Variants in DOCK2 observed in about 807,000 individuals in gnomAD.
DOCK2 encodes the protein dedicator of cytokinesis 2, also known as dedicator of cytokinesis protein 2.
Under a neutral mutation model 248.9 loss-of-function variants are expected in DOCK2, and 87 were observed. The ratio of observed to expected loss-of-function variants is 0.35; its 90% CI spans 0.29 to 0.42. DOCK2 has a LOEUF of 0.42. Ranked by LOEUF, DOCK2 falls within the 10% of genes least tolerant of loss-of-function variation. The probability of loss-of-function intolerance (pLI) is 1.00; values close to 1 mark genes in which losing one functional copy is unlikely to be tolerated. For synonymous variants in DOCK2, 805 were observed against 821.6 expected, an observed-to-expected ratio of 0.98 and a Z score of 0.35; for missense variants, 1,747 against 2,300.2, an observed-to-expected ratio of 0.76 and a Z score of 4.92.
intron 33 of DOCK2, among the ~76,000 whole-genome samples, chr5:170,022,171 A>G (rs1013361065): frequency 6.6e-6 from 1 of 152,114 alleles, no homozygotes; most frequent in African/African-American, 2.4e-5. Flanking sequence ...GCCTGAAGAG[A>G]TCCTAGACAC....
chr5:169,837,953 G>A (rs1229781113), intron 26 of DOCK2, among the ~76,000 whole-genome samples: 1 of 151,854 alleles, frequency 6.6e-6, no homozygotes, highest in Non-Finnish European at 1.5e-5. Context: ...AAGAAAGTGG[G>A]TTTTAATATC....
At chr5:169,670,989 A>C in intron 4 of DOCK2, 89 bp from the exon 5 acceptor site, 4 of 1,050,242 alleles carry the variant, frequency 3.8e-6, no homozygotes, top group Admixed American at 1.9e-5. Context: ...GCCCCTCCGC[A>C]GCTGCAGCTT....
At chr5:169,953,299 C>G (rs1776739649) in intron 27 of DOCK2, among the ~76,000 whole-genome samples, 1 of 149,800 alleles carries the variant, frequency 6.7e-6, no homozygotes, top group South Asian at 2.1e-4. Flanking sequence ...CACCATTATA[C>G]TCCAGCCTGG....
At chr5:169,836,061 T>C (rs1769565714) in intron 26 of DOCK2, among the ~76,000 whole-genome samples, 1 of 152,266 alleles carries the variant, frequency 6.6e-6, no homozygotes, top group African/African-American at 2.4e-5. Flanking sequence ...CAGCTTGTTT[T>C]GTTTTTAAAT....
At chr5:170,046,757 GACACACACACATAC>G (rs1756728171) in intron 39 of DOCK2, among the ~76,000 whole-genome samples, 1 of 147,422 alleles carries the variant, frequency 6.8e-6, no homozygotes, top group Admixed American at 6.9e-5. Flanking sequence ...CTATGCCCAA[GACACACACACATAC>G]ACACACACAC....
chr5:170,017,011 TCACTC>T (rs1755560908), intron 32 of DOCK2, among the ~76,000 whole-genome samples: 1 of 152,210 alleles, frequency 6.6e-6, no homozygotes, highest in South Asian at 2.1e-4. Flanking sequence ...TCTTTATTTT[TCACTC>T]CACTCTGCCT....
At position 169,714,110 on chromosome 5, in the gene DOCK2, C is replaced by A; in HGVS notation, c.1742C>A (p.Thr581Lys). The A allele has an allele frequency of 1.2e-6, 2 of 1,613,838 alleles. No individual in the cohort carries two copies. Among genetic ancestry groups the A allele is most frequent in the Non-Finnish European group, 1.7e-6 (2 of 1,179,852 alleles). ...CACCATGTGGAAAACAAGGGGGCCA[C>A]GCTGAGCAGGAGCTCCAGCAGTGTT... ...YRHHVENKGA[T>K]LSRSSSSVGG... Residue 581 changes from threonine (T) to lysine (K), a missense_variant, in exon 18 of 52, where the codon ACG becomes AAG. Coordinates refer to ENST00000520908, the MANE Select transcript of DOCK2 (RefSeq NM_004946.3).
At chr5:170,078,859 C>T (rs940890404) in intron 48 of DOCK2, 116 bp from the exon 49 acceptor site, 5 of 1,179,538 alleles carry the variant, frequency 4.2e-6, no homozygotes, top group Non-Finnish European at 6.1e-6. Flanking sequence ...CTACTCCAGA[C>T]CCTGTAGTGA....
intron 21 of DOCK2, among the ~76,000 whole-genome samples, chr5:169,718,422 A>T (rs1033492973): frequency 1.3e-5 from 2 of 151,658 alleles, no homozygotes; most frequent in Admixed American, 1.3e-4. Flanking sequence ...TAGTCAAAAG[A>T]TTTTTTTTTC....
At chr5:169,851,693 A>C (rs1255280381) in intron 27 of DOCK2, among the ~76,000 whole-genome samples, 2 of 152,220 alleles carry the variant, frequency 1.3e-5, no homozygotes. Flanking sequence ...ACAGTTTCTC[A>C]TGGCTGGGGA....
chr5:169,875,876 G>T (rs1336073737), intron 27 of DOCK2: 1 of 152,426 alleles, frequency 6.6e-6, no homozygotes, highest in Non-Finnish European at 1.5e-5. Flanking sequence ...CAATTATGAG[G>T]ATTTATTCTG....
intron 26 of DOCK2, among the ~76,000 whole-genome samples, chr5:169,805,216 CAAAAAAA>C (rs1178136278): frequency 1.4e-5 from 1 of 70,690 alleles, no homozygotes; most frequent in African/African-American, 4.4e-5. Flanking sequence ...TCTGTCTCTA[CAAAAAAA>C]AAAAAAAAAA....
At chr5:169,810,983 T>TCACA (rs781388716) in intron 26 of DOCK2, among the ~76,000 whole-genome samples, 1,522 of 84,914 alleles carry the variant, frequency 0.018, 11 homozygotes, top group Middle Eastern at 0.043. Flanking sequence ...TCTCTCTCTC[T>TCACA]CTCTCTCACA....
intron 29 of DOCK2, among the ~76,000 whole-genome samples, chr5:169,987,230 CT>C (rs1466192324): frequency 6.6e-6 from 1 of 152,192 alleles, no homozygotes; most frequent in Non-Finnish European, 1.5e-5. Flanking sequence ...GAAAAGGCTT[CT>C]TTTCCTATAG....
chr5:169,931,448 T>C (rs1288051678), intron 27 of DOCK2, among the ~76,000 whole-genome samples: 1 of 152,228 alleles, frequency 6.6e-6, no homozygotes, highest in East Asian at 1.9e-4. Flanking sequence ...AGAAACTCTT[T>C]CCACCTATCC....
chr5:169,991,505 T>C (rs1188583182), intron 29 of DOCK2, among the ~76,000 whole-genome samples: 6 of 152,248 alleles, frequency 3.9e-5, no homozygotes, highest in Non-Finnish European at 8.8e-5. Context: ...TTGTGGGCTA[T>C]TTGAAAGGAT....
At chr5:169,707,361 A>G (rs1185055120) in intron 14 of DOCK2, among the ~76,000 whole-genome samples, 1 of 152,140 alleles carries the variant, frequency 6.6e-6, no homozygotes, top group East Asian at 1.9e-4. Flanking sequence ...CTGTGTGCCA[A>G]CTTGGAAACT....
At position 169,698,395 on chromosome 5, in the gene DOCK2, T is replaced by A; in HGVS notation, c.1001T>A (p.Ile334Asn). The A allele has an allele frequency of 6.2e-7, 1 of 1,614,080 alleles. No individual in the cohort carries two copies. Among genetic ancestry groups the A allele is most frequent in the Non-Finnish European group, 8.5e-7 (1 of 1,179,932 alleles). ...GVAVMDITDI[I>N]KGKAESDEEK... The stretch of plus-strand genomic sequence containing the variant: ...CTAGTTATGGATATAACAGACATCA[T>A]CAAGGGGAAAGCAGAGAGTGATGAA... The change falls in exon 11 of 52, where the codon ATC becomes AAC. Residue 334 changes from isoleucine to asparagine, a missense_variant. Physicochemically the swap from Ile to Asn is moderately radical, Grantham distance 149. Coordinates refer to ENST00000520908, the MANE Select transcript of DOCK2 (RefSeq NM_004946.3).
chr5:169,844,855 T>C (rs148419344), intron 27 of DOCK2, among the ~76,000 whole-genome samples: 3 of 152,122 alleles, frequency 2.0e-5, no homozygotes, highest in South Asian at 2.1e-4. Flanking sequence ...ATCTTCCTCA[T>C]AGAGATCCTG....
Sources: allele counts gnomAD v4.1 joint callset (sites outside exome capture counted in the v4.1 genomes callset), GRCh38; gene constraint gnomAD v4.1.1; transcripts MANE v1.5; gene names NCBI Gene and HGNC (gene_info 2026-07-23, HGNC 2026-07-21).